NPR3: variants seen among roughly 807,000 people sequenced by gnomAD.
NPR3 encodes atrial natriuretic peptide receptor 3.
In NPR3, 34 loss-of-function variants were observed where a neutral mutation model predicts 54.5. The observed-to-expected ratio is 0.62, with a 90% CI of 0.47 to 0.83. NPR3 has a LOEUF of 0.83. Ranked by LOEUF, NPR3 falls within the 40% of genes least tolerant of loss-of-function variation. The probability of loss-of-function intolerance (pLI) is 0.00; values close to 1 mark genes in which losing one functional copy is unlikely to be tolerated. For synonymous variants in NPR3, 289 were observed against 297.1 expected (o/e 0.97, Z 0.28); for missense variants, 674 against 720.8 (o/e 0.94, Z 0.74).
intron 2 of NPR3, among the ~76,000 whole-genome samples, chr5:32,725,903 A>T (rs1739114296): frequency 1.3e-5 from 2 of 152,186 alleles, no homozygotes; most frequent in South Asian, 4.1e-4. Context: ...TGAACCACCA[A>T]TGTATAGAGT....
chr5:32,770,463 G>A (rs1741698377), intron 3 of NPR3, among the ~76,000 whole-genome samples: 1 of 151,880 alleles, frequency 6.6e-6, no homozygotes, highest in Non-Finnish European at 1.5e-5. Flanking sequence ...GGAATAGAAA[G>A]AAAATAGAAA....
intron 2 of NPR3, among the ~76,000 whole-genome samples, chr5:32,728,657 T>C (rs1739256321): frequency 6.6e-6 from 1 of 151,522 alleles, no homozygotes; most frequent in Non-Finnish European, 1.5e-5. Context: ...AACTTCTTTC[T>C]GGAGGTAATT....
At chr5:32,726,935 T>C (rs1176166426) in intron 2 of NPR3, among the ~76,000 whole-genome samples, 1 of 152,254 alleles carries the variant, frequency 6.6e-6, no homozygotes, top group Non-Finnish European at 1.5e-5. Context: ...TTTATAATGT[T>C]GATAGTCATC....
intron 1 of NPR3, among the ~76,000 whole-genome samples, chr5:32,721,886 T>A (rs191686947): frequency 6.6e-6 from 1 of 152,160 alleles, no homozygotes; most frequent in Non-Finnish European, 1.5e-5. Flanking sequence ...CATAACACTA[T>A]GAAAGGCATC....
intron 3 of NPR3, among the ~76,000 whole-genome samples, chr5:32,759,211 G>A (rs1741016074): frequency 6.6e-6 from 1 of 152,290 alleles, no homozygotes; most frequent in South Asian, 2.1e-4. Flanking sequence ...GGGTGTTAAA[G>A]TTTCCCATTA....
At chr5:32,716,996 ACCC>A (rs548182198) in intron 1 of NPR3, among the ~76,000 whole-genome samples, 1 of 109,670 alleles carries the variant, frequency 9.1e-6, no homozygotes, top group African/African-American at 3.7e-5. Flanking sequence ...CCATCCCCCA[ACCC>A]CCCCACCCCC....
intron 6 of NPR3, 74 bp from the exon 7 acceptor site, chr5:32,784,722 G>A: frequency 8.5e-7 from 1 of 1,171,046 alleles, no homozygotes; most frequent in Non-Finnish European, 1.3e-6. Context: ...GGAACTTCTT[G>A]CAATGAATGA....
upstream of NPR3, chr5:32,710,816 C>T (rs1416667431): frequency 6.7e-7 from 1 of 1,499,280 alleles, no homozygotes; most frequent in African/African-American, 1.4e-5. Flanking sequence ...GATTTTTGCA[C>T]CGAAACCACA....
At chr5:32,778,779 CAATAGCTTAAAGGTATAATGAGGTCTTA>C (rs1742195926) in intron 4 of NPR3, among the ~76,000 whole-genome samples, 1 of 152,172 alleles carries the variant, frequency 6.6e-6, no homozygotes. Context: ...GGCAGAATTG[CAATAGCTTAAAGGTATAATGAGGTCTTA>C]AATTACTAGG....
intron 3 of NPR3, among the ~76,000 whole-genome samples, chr5:32,764,788 C>CAAAAAAAAAAAAAAAAAAAAAAAAA (rs568944478): frequency 1.4e-4 from 5 of 36,494 alleles, no homozygotes; most frequent in Admixed American, 4.1e-4. Context: ...GGGTCCATCT[C>CAAAAAAAAAAAAAAAAAAAAAAAAA]AAAAAAAAAA....
At chr5:32,693,415 G>A (rs1469823478) in intron 1 of NPR3, among the ~76,000 whole-genome samples, 3 of 152,126 alleles carry the variant, frequency 2.0e-5, no homozygotes, top group Non-Finnish European at 4.4e-5. Flanking sequence ...TTGTTCTTCA[G>A]GGAGGGAATG....
At chr5:32,760,822 C>A (rs1049446818) in intron 3 of NPR3, among the ~76,000 whole-genome samples, 4 of 151,860 alleles carry the variant, frequency 2.6e-5, no homozygotes, top group Non-Finnish European at 5.9e-5. Flanking sequence ...ATATTTAGGT[C>A]TGTGATCTGT....
At chr5:32,718,049 G>A (rs1270178443) in intron 1 of NPR3, among the ~76,000 whole-genome samples, 1 of 152,132 alleles carries the variant, frequency 6.6e-6, no homozygotes, top group Non-Finnish European at 1.5e-5. Context: ...TGTAAGAAAG[G>A]GATCTAGTTT....
intron 3 of NPR3, among the ~76,000 whole-genome samples, chr5:32,742,519 A>C (rs973046656): frequency 1.3e-5 from 2 of 152,118 alleles, no homozygotes; most frequent in Non-Finnish European, 2.9e-5. Context: ...TGCTTAATTG[A>C]ATTTTAGTAT....
chr5:32,754,888 T>G (rs1740753053), intron 3 of NPR3, among the ~76,000 whole-genome samples: 1 of 152,162 alleles, frequency 6.6e-6, no homozygotes, highest in Admixed American at 6.5e-5. Flanking sequence ...TGAGACGGAG[T>G]CTTGTTCTGT....
upstream of NPR3, among the ~76,000 whole-genome samples, chr5:32,704,428 G>T (rs1237071713): frequency 6.6e-6 from 1 of 151,644 alleles, no homozygotes. Context: ...TGGTGTTCCT[G>T]TGGGGACGAC....
intron 1 of NPR3, among the ~76,000 whole-genome samples, chr5:32,714,412 T>C (rs1357334394): frequency 1.3e-5 from 2 of 151,914 alleles, no homozygotes; most frequent in African/African-American, 4.8e-5. Flanking sequence ...TGGGGACTGG[T>C]GCGCCCCGGG....
chr5:32,780,392 C>T (rs376313560), intron 4 of NPR3, among the ~76,000 whole-genome samples: 12 of 152,148 alleles, frequency 7.9e-5, no homozygotes, highest in African/African-American at 2.2e-4. Context: ...TCTAACTCTG[C>T]GATTAAAAAA....
upstream of NPR3, chr5:32,710,858 G>GTTTTTTTTTTTTTTTTTTTTT (rs1561072778): frequency 5.7e-6 from 6 of 1,047,794 alleles, no homozygotes; most frequent in African/African-American, 8.6e-5. Flanking sequence ...CCCCAGTCCT[G>GTTTTTTTTTTTTTTTTTTTTT]GTTTTTTTTT....
Sources: allele counts gnomAD v4.1 joint callset (sites outside exome capture counted in the v4.1 genomes callset), GRCh38; gene constraint gnomAD v4.1.1; transcripts MANE v1.5; gene names NCBI Gene and HGNC (gene_info 2026-07-23, HGNC 2026-07-21).